The following VPS13D variants were observed in gnomAD, a reference collection of about 807,000 sequenced individuals.
VPS13D encodes intermembrane lipid transfer protein VPS13D.
Under a neutral mutation model 461.9 loss-of-function variants are expected in VPS13D, and 187 were observed. That is an observed-to-expected ratio of 0.40 (90% CI 0.36 to 0.46). The LOEUF is 0.46. Among genes scored for constraint, VPS13D ranks in the 20% least tolerant of loss-of-function variants. The probability of loss-of-function intolerance (pLI) is 0.60; values close to 1 mark genes in which losing one functional copy is unlikely to be tolerated. For missense variants in VPS13D, 4,711 were observed against 5,364.9 expected (o/e 0.88, Z 3.81); for synonymous variants, 1,951 against 1,986.3 (o/e 0.98, Z 0.47).
At chr1:12,409,559 G>A (rs560866860) in intron 63 of VPS13D, among the ~76,000 whole-genome samples, 1 of 152,268 alleles carries the variant, frequency 6.6e-6, no homozygotes, top group South Asian at 2.1e-4. Flanking sequence ...ATTTATTCTT[G>A]ACACTTTATG....
intron 2 of VPS13D, among the ~76,000 whole-genome samples, chr1:12,241,663 A>G (rs534057729): frequency 5.9e-5 from 9 of 152,230 alleles, no homozygotes; most frequent in East Asian, 1.9e-4. Context: ...TCTGAAAACA[A>G]TTTTCAGCGG....
chr1:12,275,612 C>T (rs1472579312), intron 18 of VPS13D, among the ~76,000 whole-genome samples: 5 of 151,998 alleles, frequency 3.3e-5, no homozygotes, highest in African/African-American at 9.7e-5. Flanking sequence ...TTTTCGTGTC[C>T]ATACTTTTTT....
intron 29 of VPS13D, among the ~76,000 whole-genome samples, chr1:12,312,234 C>T (rs564476173): frequency 3.3e-5 from 5 of 152,156 alleles, no homozygotes; most frequent in African/African-American, 4.8e-5. Flanking sequence ...TTGTTGTAGT[C>T]GCTTAGGGTG....
At chr1:12,234,100 G>A in intron 1 of VPS13D, 91 bp from the exon 2 acceptor site, 1 of 561,678 alleles carries the variant, frequency 1.8e-6, no homozygotes, top group South Asian at 2.3e-5. Context: ...TCTGTGCTTT[G>A]CATTCATCTA....
chr1:12,295,840 G>A (rs981753327), intron 24 of VPS13D, among the ~76,000 whole-genome samples: 1 of 152,068 alleles, frequency 6.6e-6, no homozygotes, highest in South Asian at 2.1e-4. Context: ...TCAACTCCTC[G>A]TGGAACCACT....
intron 7 of VPS13D, among the ~76,000 whole-genome samples, chr1:12,254,030 G>C (rs1372233769): frequency 3.3e-5 from 5 of 152,088 alleles, no homozygotes; most frequent in Admixed American, 3.3e-4. Context: ...TTTGTTTTAT[G>C]TATGTTTTAA....
intron 65 of VPS13D, among the ~76,000 whole-genome samples, chr1:12,448,309 T>C (rs533799577): frequency 2.0e-4 from 30 of 152,316 alleles, no homozygotes; most frequent in African/African-American, 7.0e-4. Flanking sequence ...TCCTGCATTA[T>C]AATCTATCTC....
chr1:12,320,223 C>G (rs1282644603), intron 32 of VPS13D, among the ~76,000 whole-genome samples: 2 of 152,108 alleles, frequency 1.3e-5, no homozygotes, highest in Non-Finnish European at 2.9e-5. Context: ...GTTGGAGTGG[C>G]CTTTGTAGCT....
At chr1:12,463,075 AAACAAC>A (rs1187657912) in intron 67 of VPS13D, among the ~76,000 whole-genome samples, 1 of 152,172 alleles carries the variant, frequency 6.6e-6, no homozygotes, top group Non-Finnish European at 1.5e-5. Context: ...GGAAAAAAAA[AAACAAC>A]AACAACAAAG....
At chr1:12,408,794 T>G (rs1401438263) in intron 63 of VPS13D, among the ~76,000 whole-genome samples, 1 of 152,232 alleles carries the variant, frequency 6.6e-6, no homozygotes, top group Non-Finnish European at 1.5e-5. Context: ...CCTCTGCCAT[T>G]TTGACATTGC....
chr1:12,284,470 G>GA (rs1448163847), intron 21 of VPS13D, among the ~76,000 whole-genome samples: 9 of 152,202 alleles, frequency 5.9e-5, no homozygotes, highest in Middle Eastern at 3.4e-3. Context: ...TAAGTATTAA[G>GA]AAAAAAACCA....
chr1:12,319,417 C>T (rs1158866182), intron 31 of VPS13D, 80 bp from the exon 32 acceptor site: 11 of 1,577,334 alleles, frequency 7.0e-6, no homozygotes, highest in Admixed American at 3.6e-5. Context: ...GGTGGAAATG[C>T]GCTCGCTGCC....
intron 22 of VPS13D, among the ~76,000 whole-genome samples, chr1:12,289,762 C>T (rs979137448): frequency 6.6e-6 from 1 of 151,812 alleles, no homozygotes; most frequent in Non-Finnish European, 1.5e-5. Flanking sequence ...ATAGTGAGAC[C>T]TCATCTCTAC....
At chr1:12,389,552 A>G (rs530581716) in intron 60 of VPS13D, among the ~76,000 whole-genome samples, 95 of 152,358 alleles carry the variant, frequency 6.2e-4, no homozygotes, top group African/African-American at 2.2e-3. Flanking sequence ...TAAAATGAAG[A>G]TATTTTCTTA....
chr1:12,455,716 C>T (rs571383040), intron 65 of VPS13D, among the ~76,000 whole-genome samples: 10 of 151,836 alleles, frequency 6.6e-5, no homozygotes, highest in East Asian at 5.8e-4. Flanking sequence ...GTCAGGAGTT[C>T]GAGACTAGCC....
intron 65 of VPS13D, among the ~76,000 whole-genome samples, chr1:12,418,146 G>T (rs1351443986): frequency 6.6e-6 from 1 of 152,112 alleles, no homozygotes; most frequent in Non-Finnish European, 1.5e-5. Flanking sequence ...GACCTCAAGT[G>T]ATCCACCAAC....
intron 5 of VPS13D, among the ~76,000 whole-genome samples, chr1:12,247,491 TAAA>T (rs1228939205): frequency 1.3e-5 from 2 of 149,316 alleles, no homozygotes; most frequent in Non-Finnish European, 1.5e-5. Context: ...AGAAAAAAAT[TAAA>T]AAAAACCCAA....
At position 12,505,092 on chromosome 1, in the gene VPS13D, C is replaced by A. The variant is rs1646086964; in HGVS notation, c.12795-1761C>A. On this transcript the variant is annotated intron_variant, in intron 68 of 69. Transcript: ENST00000620676. The surrounding 1 kb of genome is among the most constrained non-coding windows in gnomAD (Gnocchi z 4.2). ...CAACTTTGGAGTCTCCTTGGAGAGC[C>A]CGTGACGGCCTCAGTGGCTGTGCAC... Among the ~76,000 whole-genome samples, 1 of 152,180 alleles carries A rather than the reference C, an allele frequency of 6.6e-6. No individual in the cohort carries two copies. Among genetic ancestry groups the A allele is most frequent in the South Asian group, 2.1e-4 (1 of 4,832 alleles).
intron 24 of VPS13D, among the ~76,000 whole-genome samples, chr1:12,294,648 A>G (rs897712572): frequency 6.6e-6 from 1 of 151,910 alleles, no homozygotes; most frequent in African/African-American, 2.4e-5. Context: ...CCCCGTCTTT[A>G]CTAAAATACA....
Sources: gnomAD v4.1 joint callset for allele counts (sites outside exome capture counted in the v4.1 genomes callset) on GRCh38, gnomAD v4.1.1 for gene constraint, Gnocchi (gnomAD v3.1) non-coding constraint, MANE v1.5 for transcripts, NCBI Gene and HGNC (gene_info 2026-07-23, HGNC 2026-07-21) for gene names.